Variants in DTWD1 observed in about 807,000 individuals in gnomAD.
DTWD1 encodes the protein DTW motif tRNA-uridine aminocarboxypropyltransferase 1, also known as tRNA-uridine aminocarboxypropyltransferase 1.
Under a neutral mutation model 30.2 loss-of-function variants are expected in DTWD1, and 27 were observed. The observed-to-expected ratio is 0.90, with a 90% CI of 0.66 to 1.23. DTWD1 has a LOEUF of 1.23. Ranked by LOEUF, DTWD1 falls within the 50% of genes most tolerant of loss-of-function variation. The pLI, the probability that DTWD1 is intolerant of heterozygous loss-of-function variation, is 0.00. For missense variants in DTWD1, 342 were observed against 348.8 expected, an observed-to-expected ratio of 0.98 and a Z score of 0.15; for synonymous variants, 99 against 113.1, an observed-to-expected ratio of 0.88 and a Z score of 0.79.
At chr15:49,632,066 G>A in intron 2 of DTWD1, 93 bp from the exon 3 acceptor site, 1 of 1,087,772 alleles carries the variant, frequency 9.2e-7, no homozygotes, top group Non-Finnish European at 1.3e-6. Context: ...GGAGTTTATT[G>A]TGAGCTTCCT....
At chr15:49,622,793 G>A (rs1407345339) in intron 1 of DTWD1, among the ~76,000 whole-genome samples, 1 of 152,148 alleles carries the variant, frequency 6.6e-6, no homozygotes, top group African/African-American at 2.4e-5. Context: ...ACAATTGCTG[G>A]CCTCTTCTAC....
chr15:49,624,574 T>C (rs1291163155), intron 1 of DTWD1, among the ~76,000 whole-genome samples: 1 of 152,240 alleles, frequency 6.6e-6, no homozygotes, highest in Non-Finnish European at 1.5e-5. Context: ...CCTTATGGGA[T>C]ATTTTACAAA....
chr15:49,621,558 T>C (rs2078711318), intron 1 of DTWD1, among the ~76,000 whole-genome samples: 1 of 152,080 alleles, frequency 6.6e-6, no homozygotes, highest in African/African-American at 2.4e-5. Flanking sequence ...ATTTAAAATA[T>C]TGAGGTTGTG....
chr15:49,640,223 G>A (rs2079050497), intron 4 of DTWD1, among the ~76,000 whole-genome samples: 1 of 151,778 alleles, frequency 6.6e-6, no homozygotes, highest in African/African-American at 2.4e-5. Context: ...TGTTTTCTTG[G>A]GACTTGCTTT....
In DTWD1 at chr15:49,645,479, C is replaced by A. The variant is rs1313049231; in HGVS notation, c.*1901C>A. On this transcript the variant is annotated 3_prime_UTR_variant, in exon 5 of 5. Transcript: ENST00000403028. The stretch of plus-strand genomic sequence containing the variant: ...CTTGCTTATTTTAGCAGTTATTCTA[C>A]AAGAATGGAATTAAAATAGATTTTT... The A allele has an allele frequency of 6.6e-6, 1 of 151,976 alleles. No individual in the cohort carries two copies. The highest frequency in any genetic ancestry group is 1.5e-5 in the Non-Finnish European group (1 of 67,992). 9.4% of individuals were successfully genotyped at this position (151,976 alleles called of 1,614,324 possible). A position where few individuals can be genotyped will look rare whatever the true frequency, so the allele number is the denominator to read the frequency against.
At chr15:49,625,696 C>T (rs1384011285) in intron 2 of DTWD1, among the ~76,000 whole-genome samples, 3 of 152,112 alleles carry the variant, frequency 2.0e-5, no homozygotes, top group Admixed American at 2.0e-4. Context: ...AGTTCCTGTC[C>T]CTGTGTCCTT....
chr15:49,630,280 T>A (rs574728074), intron 2 of DTWD1, among the ~76,000 whole-genome samples: 1 of 152,286 alleles, frequency 6.6e-6, no homozygotes, highest in African/African-American at 2.4e-5. Context: ...TTAACATATG[T>A]TAAAACTTAT....
chr15:49,634,336 TTATTA>T (rs1202483091), intron 3 of DTWD1, among the ~76,000 whole-genome samples, 195 bp from the exon 4 acceptor site: 1 of 152,132 alleles, frequency 6.6e-6, no homozygotes. Flanking sequence ...ATAGTTTTAA[TTATTA>T]TATTATGATT....
chr15:49,634,057 G>T (rs983171603), intron 3 of DTWD1, among the ~76,000 whole-genome samples: 13 of 152,142 alleles, frequency 8.5e-5, no homozygotes, highest in Non-Finnish European at 1.9e-4. Flanking sequence ...GATTTAAATG[G>T]TCAAATTGCT....
chr15:49,624,206 C>A (rs567346025), intron 1 of DTWD1, among the ~76,000 whole-genome samples: 1 of 152,320 alleles, frequency 6.6e-6, no homozygotes, highest in Non-Finnish European at 1.5e-5. Flanking sequence ...GGAGTCACAG[C>A]ATTTCTCTTG....
intron 1 of DTWD1, among the ~76,000 whole-genome samples, chr15:49,624,298 C>T (rs2078809463): frequency 1.3e-5 from 2 of 152,164 alleles, no homozygotes; most frequent in African/African-American, 2.4e-5. Context: ...AATTATTTTA[C>T]AGCTGTGGAA....
chr15:49,621,830 G>A (rs1053958566), intron 1 of DTWD1, among the ~76,000 whole-genome samples: 5 of 152,132 alleles, frequency 3.3e-5, no homozygotes, highest in African/African-American at 9.7e-5. Context: ...CTTGGATTAT[G>A]AAAAATGAAT....
At chr15:49,641,617 C>T (rs1001065139) in intron 4 of DTWD1, among the ~76,000 whole-genome samples, 22 of 151,982 alleles carry the variant, frequency 1.4e-4, no homozygotes, top group Non-Finnish European at 2.6e-4. Context: ...AATTTGGTCT[C>T]TTGTTGGCGT....
chr15:49,625,830 A>G (rs1288091593), intron 2 of DTWD1, among the ~76,000 whole-genome samples: 2 of 152,110 alleles, frequency 1.3e-5, no homozygotes, highest in East Asian at 3.9e-4. Flanking sequence ...TCTGTCCACT[A>G]TAGTATAAGG....
At chr15:49,621,435 AC>A (rs1196006244) in intron 1 of DTWD1, 2 of 151,588 alleles carry the variant, frequency 1.3e-5, no homozygotes, top group African/African-American at 4.9e-5. Flanking sequence ...TTCCCTAGGA[AC>A]CCCATACTTT....
At chr15:49,643,212 A>T (rs1407605531) in intron 4 of DTWD1, 119 bp from the exon 5 acceptor site, 2 of 1,117,544 alleles carry the variant, frequency 1.8e-6, no homozygotes, top group East Asian at 3.3e-5. Context: ...TGCAGTCTTT[A>T]AAAAAAAATT....
intron 2 of DTWD1, among the ~76,000 whole-genome samples, chr15:49,627,765 A>G (rs1421762874): frequency 6.6e-6 from 1 of 152,220 alleles, no homozygotes; most frequent in African/African-American, 2.4e-5. Flanking sequence ...GGCACTTAGC[A>G]TGAATGGAAT....
intron 2 of DTWD1, among the ~76,000 whole-genome samples, chr15:49,628,588 A>G (rs1016739241): frequency 2.0e-5 from 3 of 152,182 alleles, no homozygotes; most frequent in Admixed American, 1.3e-4. Context: ...TGATAATCCC[A>G]TGGGAAAATG....
intron 1 of DTWD1, among the ~76,000 whole-genome samples, chr15:49,623,426 C>CT (rs112862445): frequency 0.081 from 11,908 of 147,252 alleles, 1,283 homozygotes; most frequent in African/African-American, 0.25. Flanking sequence ...TCTTCCCAAG[C>CT]TTTTTTTTTT....
Sources: allele counts gnomAD v4.1 joint callset (sites outside exome capture counted in the v4.1 genomes callset), GRCh38; gene constraint gnomAD v4.1.1; transcripts MANE v1.5; gene names NCBI Gene and HGNC (gene_info 2026-07-23, HGNC 2026-07-21).